NALF1: variants seen among roughly 807,000 people sequenced by gnomAD.
NALF1 encodes the protein NALCN channel auxiliary factor 1.
In NALF1, 3 loss-of-function variants were observed where a neutral mutation model predicts 48.4. That is an observed-to-expected ratio of 0.06 (90% confidence interval 0.03 to 0.16). The LOEUF (loss-of-function observed/expected upper bound fraction) is 0.16. Among genes scored for constraint, NALF1 ranks in the 10% least tolerant of loss-of-function variants. The pLI is 1.00. For missense variants in NALF1, 526 were observed against 571.5 expected (o/e 0.92, Z 0.81); for synonymous variants, 262 against 245.7 (o/e 1.07, Z -0.62).
rs181290304 is a variant in NALF1, at chr13:107,575,015, A to G, written c.915+290667T>C. Among the ~76,000 whole-genome samples, 182 of 152,260 alleles carry G rather than the reference A, an allele frequency of 1.2e-3. 3 individuals carry two copies. Among genetic ancestry groups the G allele is most frequent in the African/African-American group, 4.2e-3 (173 of 41,548 alleles). The stretch of plus-strand genomic sequence containing the variant: ...ACAAAACTCCTGGATGCATGCCATA[A>G]TATATTTCCTGAGGCTTAGGAAGCG... On this transcript the variant is annotated intron_variant, in intron 1 of 2. Transcript: ENST00000375915.
Position 107,719,535 on chromosome 13 carries a change from T to A in NALF1, c.915+146147A>T, listed in dbSNP as rs7990674. Among the ~76,000 whole-genome samples, 1,298 of 152,246 alleles carry A rather than the reference T, an allele frequency of 8.5e-3. 19 individuals carry two copies. Among genetic ancestry groups the A allele is most frequent in the African/African-American group, 0.03 (1,236 of 41,540 alleles). ...TATTTATCCTTTCCTGACTTCATCC[T>A]CAGCTCCAAATCCATACTTCTACTT... On this transcript the variant is annotated intron_variant, in intron 1 of 2. Transcript: ENST00000375915.
At chr13:107,536,748 T>A (rs1876830450) in intron 1 of NALF1, among the ~76,000 whole-genome samples, 1 of 152,204 alleles carries the variant, frequency 6.6e-6, no homozygotes, top group Non-Finnish European at 1.5e-5. Context: ...CAAAGGATTA[T>A]AAATCATGCA....
intron 1 of NALF1, among the ~76,000 whole-genome samples, chr13:107,213,978 A>G (rs1465891152): frequency 2.6e-5 from 4 of 152,222 alleles, no homozygotes; most frequent in Admixed American, 6.5e-5. Flanking sequence ...CAAGAGAAAA[A>G]ACAAACAGGT....
intron 1 of NALF1, among the ~76,000 whole-genome samples, chr13:107,670,159 G>A (rs373791755): frequency 2.0e-5 from 3 of 152,038 alleles, no homozygotes; most frequent in Non-Finnish European, 2.9e-5. Context: ...GCTGGTGTGC[G>A]TAAAGGTGAA....
chr13:107,597,341 T>C (rs1441832522), intron 1 of NALF1, among the ~76,000 whole-genome samples: 2 of 152,094 alleles, frequency 1.3e-5, no homozygotes, highest in Admixed American at 6.5e-5. Context: ...AGGAGGTAAA[T>C]TAAGAAACAT....
At chr13:107,825,763 T>C (rs753498627) in intron 1 of NALF1, among the ~76,000 whole-genome samples, 2 of 152,182 alleles carry the variant, frequency 1.3e-5, no homozygotes, top group Admixed American at 1.3e-4. Context: ...ATTTTGACTA[T>C]AACTAGTACT....
At chr13:107,423,444 C>T (rs1441228450) in intron 1 of NALF1, among the ~76,000 whole-genome samples, 1 of 152,114 alleles carries the variant, frequency 6.6e-6, no homozygotes. Flanking sequence ...TTCTGCAGCC[C>T]TGTCTATTGT....
At chr13:107,523,916 C>T (rs972880941) in intron 1 of NALF1, among the ~76,000 whole-genome samples, 26 of 151,894 alleles carry the variant, frequency 1.7e-4, no homozygotes, top group Admixed American at 1.2e-3. Context: ...AATAAGGATG[C>T]ATTTTATATC....
chr13:107,762,257 A>G (rs1877284501), intron 1 of NALF1, among the ~76,000 whole-genome samples: 1 of 152,000 alleles, frequency 6.6e-6, no homozygotes, highest in Non-Finnish European at 1.5e-5. Context: ...AAAAAAGTAA[A>G]AGTTAATTTT....
At chr13:107,704,733 C>T (rs1023217503) in intron 1 of NALF1, among the ~76,000 whole-genome samples, 14 of 152,232 alleles carry the variant, frequency 9.2e-5, no homozygotes, top group African/African-American at 2.9e-4. Context: ...GGAACCCCAC[C>T]TTTCAGTGTG....
chr13:107,732,755 T>A (rs1340495214), intron 1 of NALF1, among the ~76,000 whole-genome samples: 1 of 152,202 alleles, frequency 6.6e-6, no homozygotes, highest in East Asian at 1.9e-4. Flanking sequence ...TTCATTGCTA[T>A]GATAGATAAG....
chr13:107,591,379 C>A (rs890035153), intron 1 of NALF1, among the ~76,000 whole-genome samples: 1 of 152,110 alleles, frequency 6.6e-6, no homozygotes, highest in Non-Finnish European at 1.5e-5. Context: ...TCTTCAGAGA[C>A]TGACTGAAAG....
intron 2 of NALF1, among the ~76,000 whole-genome samples, chr13:107,186,716 T>A (rs1879182808): frequency 6.6e-6 from 1 of 152,202 alleles, no homozygotes; most frequent in African/African-American, 2.4e-5. Context: ...GCTTTTAGCA[T>A]CACAATCTGT....
At chr13:107,183,856 T>C (rs1879117260) in intron 2 of NALF1, among the ~76,000 whole-genome samples, 1 of 152,062 alleles carries the variant, frequency 6.6e-6, no homozygotes, top group Non-Finnish European at 1.5e-5. Context: ...GGAGGAGGGC[T>C]GGGGGAGGGA....
At chr13:107,710,529 A>G (rs576435047) in intron 1 of NALF1, among the ~76,000 whole-genome samples, 1 of 152,126 alleles carries the variant, frequency 6.6e-6, no homozygotes, top group African/African-American at 2.4e-5. Context: ...GAAAACTCAG[A>G]AAATCATGGC....
intron 1 of NALF1, among the ~76,000 whole-genome samples, chr13:107,712,613 C>T (rs898171290): frequency 6.6e-6 from 1 of 152,304 alleles, no homozygotes; most frequent in East Asian, 1.9e-4. Context: ...ACCACAAAGC[C>T]GAGCCCCAGC....
chr13:107,755,210 G>A (rs1325580872), intron 1 of NALF1, among the ~76,000 whole-genome samples: 2 of 151,850 alleles, frequency 1.3e-5, no homozygotes, highest in South Asian at 2.1e-4. Flanking sequence ...TCCTGCCTAC[G>A]GCTCCCTTTT....
At chr13:107,570,002 C>T (rs970630970) in intron 1 of NALF1, among the ~76,000 whole-genome samples, 1 of 151,802 alleles carries the variant, frequency 6.6e-6, no homozygotes, top group African/African-American at 2.4e-5. Context: ...TCAATTTGTT[C>T]CTTGATAGTA....
chr13:107,858,247 T>C (rs1025970732), intron 1 of NALF1, among the ~76,000 whole-genome samples: 1 of 152,226 alleles, frequency 6.6e-6, no homozygotes, highest in African/African-American at 2.4e-5. Context: ...GTAGTAAATA[T>C]GGCAAAATTC....
Sources: allele counts gnomAD v4.1 joint callset (sites outside exome capture counted in the v4.1 genomes callset), GRCh38; gene constraint gnomAD v4.1.1; transcripts MANE v1.5; gene names NCBI Gene and HGNC (gene_info 2026-07-23, HGNC 2026-07-21).